The following RAC1 variants were observed in gnomAD, a reference collection of about 807,000 sequenced individuals.
RAC1 encodes the protein Rac family small GTPase 1.
In RAC1, 2 loss-of-function variants were observed where a neutral mutation model predicts 25.2. The ratio of observed to expected loss-of-function variants is 0.08; its 90% CI spans 0.03 to 0.25. The LOEUF (loss-of-function observed/expected upper bound fraction) is 0.25. Among genes scored for constraint, RAC1 ranks in the 10% least tolerant of loss-of-function variants. The pLI is 1.00. For missense variants in RAC1, 50 were observed against 235.7 expected (o/e 0.21, Z 5.16); for synonymous variants, 88 against 94.0 (o/e 0.94, Z 0.37).
At chr7:6,388,188 C>T (rs1029748725) in intron 2 of RAC1, among the ~76,000 whole-genome samples, 2 of 151,946 alleles carry the variant, frequency 1.3e-5, no homozygotes, top group Non-Finnish European at 2.9e-5. Context: ...AGCTGAGCCT[C>T]ATAATGCACC....
intron 3 of RAC1, among the ~76,000 whole-genome samples, chr7:6,394,430 C>T (rs184659344): frequency 6.6e-5 from 10 of 152,234 alleles, no homozygotes; most frequent in African/African-American, 1.2e-4. Flanking sequence ...GTCAGAGTAA[C>T]GCTCAAGTCC....
intron 2 of RAC1, among the ~76,000 whole-genome samples, chr7:6,389,410 T>C (rs1783021015): frequency 2.7e-5 from 4 of 148,944 alleles, no homozygotes; most frequent in Admixed American, 2.7e-4. Flanking sequence ...ATTAAAAAAG[T>C]TTGCTCACGC....
intron 3 of RAC1, among the ~76,000 whole-genome samples, chr7:6,394,790 C>T (rs767704726): frequency 6.6e-6 from 1 of 152,078 alleles, no homozygotes; most frequent in African/African-American, 2.4e-5. Flanking sequence ...AAGTGACTTT[C>T]CCGCCCTAGT....
intron 3 of RAC1, chr7:6,398,569 C>G: frequency 8.5e-7 from 1 of 1,171,958 alleles, no homozygotes; most frequent in Non-Finnish European, 1.2e-6. Flanking sequence ...AGGGTTAAGA[C>G]AAAATTCTAA....
intron 2 of RAC1, chr7:6,391,460 G>T (rs6967221): frequency 6.2e-6 from 1 of 160,062 alleles, no homozygotes; most frequent in African/African-American, 2.4e-5. Context: ...GTTAAGTCAG[G>T]TGTATTTTGT....
At chr7:6,387,487 C>G (rs1012452333) in intron 2 of RAC1, among the ~76,000 whole-genome samples, 13 of 152,072 alleles carry the variant, frequency 8.5e-5, no homozygotes, top group African/African-American at 3.1e-4. Context: ...CTTTGGGAGA[C>G]TGAGGCGGGT....
At chr7:6,402,182 C>CA in intron 5 of RAC1, 134 bp from the exon 6 acceptor site, 6 of 1,457,682 alleles carry the variant, frequency 4.1e-6, no homozygotes, top group Non-Finnish European at 5.5e-6. Context: ...GTCTTAACGT[C>CA]AGCGTTGGAA....
chr7:6,391,052 A>G (rs35582947), intron 2 of RAC1, among the ~76,000 whole-genome samples: 15,614 of 151,974 alleles, frequency 0.1, 1,688 homozygotes, highest in East Asian at 0.5. Context: ...GCCTGTCACC[A>G]CGCCCTGGCT....
intron 3 of RAC1, among the ~76,000 whole-genome samples, chr7:6,397,708 C>G (rs1783284258): frequency 6.6e-6 from 1 of 152,168 alleles, no homozygotes. Flanking sequence ...TTGTCCATGG[C>G]TGAAAGTGGT....
At chr7:6,374,813 G>T in intron 1 of RAC1, 43 bp downstream of exon 1, 3 of 1,098,508 alleles carry the variant, frequency 2.7e-6, no homozygotes, top group Non-Finnish European at 2.2e-6. Flanking sequence ...GCGGGATCGG[G>T]CGCGGAGGGG....
rs951809960 is a variant in RAC1, at chr7:6,402,528, A to AC, written c.*82_*83insC. Reference sequence around the variant, plus strand: ...AAAAAAAAACAAAAAAAAAAAACAAAAAAAAAAAACAACGGTGGAGCCTTC... The same window carrying AC: ...AAAAAAAAACAAAAAAAAAAAACAAACAAAAAAAAACAACGGTGGAGCCTTC... On this transcript the variant is annotated 3_prime_UTR_variant, in exon 6 of 6. Coordinates refer to ENST00000348035, the MANE Select transcript of RAC1 (RefSeq NM_006908.5). 4.1e-5 allele frequency: 47 copies of AC among 1,147,712 alleles called. 1 individual carries two copies. The highest frequency in any genetic ancestry group is 3.9e-4 in the African/African-American group (23 of 59,242). 71.1% of individuals were successfully genotyped at this position (1,147,712 alleles called of 1,614,324 possible). A position where few individuals can be genotyped will look rare whatever the true frequency, so the allele number is the denominator to read the frequency against.
intron 1 of RAC1, among the ~76,000 whole-genome samples, chr7:6,385,077 A>G (rs1417223771): frequency 6.6e-6 from 1 of 152,168 alleles, no homozygotes; most frequent in Non-Finnish European, 1.5e-5. Context: ...AAGTGCTAGG[A>G]TTACAGGCAT....
chr7:6,394,061 G>C (rs1783160816), intron 3 of RAC1, among the ~76,000 whole-genome samples: 1 of 152,144 alleles, frequency 6.6e-6, no homozygotes, highest in South Asian at 2.1e-4. Flanking sequence ...CTGATTGCTG[G>C]CTCTGTGGTC....
At position 6,394,828 on chromosome 7, in the gene RAC1, G is replaced by A. The variant is rs1783184958; in HGVS notation, c.225+2787G>A. On this transcript the variant is annotated intron_variant, in intron 3 of 5. Transcript: ENST00000348035. ...CTCAAGTAGCTGGGACTACAGGCAT[G>A]TGCTACCATGCCTGGCTAATTTTGT... Among the ~76,000 whole-genome samples the A allele has an allele frequency of 2.6e-5, 4 of 151,628 alleles. No homozygotes were observed. In the South Asian group the frequency reaches 8.4e-4, roughly 32 times the overall value.
rs754860731 is a variant in RAC1, at chr7:6,403,741, A to G, written c.*1295A>G. ...CACGCCTCCTGTAGTCGCTTTGCCT[A>G]TTGATGTTCCTTTGGGTCTGTGAGG... On this transcript the variant is annotated 3_prime_UTR_variant, in exon 6 of 6. Transcript: ENST00000348035. The G allele has an allele frequency of 1.7e-4, 35 of 209,252 alleles. No homozygotes were observed. Among genetic ancestry groups the G allele is most frequent in the South Asian group, 3.8e-4 (2 of 5,328 alleles). 13.0% of individuals were successfully genotyped at this position (209,252 alleles called of 1,614,324 possible).
At chr7:6,376,581 A>G (rs543908472) in intron 1 of RAC1, among the ~76,000 whole-genome samples, 1 of 143,260 alleles carries the variant, frequency 7.0e-6, no homozygotes, top group South Asian at 2.2e-4. Flanking sequence ...CTGCTCCTGC[A>G]ACCTCTGCCT....
At position 6,402,321 on chromosome 7, in the gene RAC1, G is replaced by A. The variant is rs2115218291; in HGVS notation, c.454G>A (p.Val152Ile). Reference sequence around the variant, plus strand: ...TGTGGTCGTGTTTCCTGTAGGTGCTGTAAAATACCTGGAGTGCTCGGCGCT... The same window carrying A: ...TGTGGTCGTGTTTCCTGTAGGTGCTATAAAATACCTGGAGTGCTCGGCGCT... ...GLAMAKEIGAVKYLECSALTQ... is the reference protein window; with the variant it reads ...GLAMAKEIGAIKYLECSALTQ... The change falls in exon 6 of 6, where the codon GTA becomes ATA. Residue 152 changes from valine (V) to isoleucine (I), a missense_variant. Physicochemically the swap from Val to Ile is conservative, Grantham distance 29 (BLOSUM62 3). Coordinates refer to ENST00000348035, the MANE Select transcript of RAC1 (RefSeq NM_006908.5). 6.2e-7 allele frequency: 1 copy of A among 1,607,856 alleles called. No homozygotes were observed. The highest frequency in any genetic ancestry group is 8.5e-7 in the Non-Finnish European group (1 of 1,177,168).
chr7:6,378,248 C>T (rs1449623391), intron 1 of RAC1, among the ~76,000 whole-genome samples: 2 of 151,498 alleles, frequency 1.3e-5, no homozygotes, highest in South Asian at 2.1e-4. Flanking sequence ...ATAATACACC[C>T]GTATGAAAAT....
rs1201384838 is a variant in RAC1 at position 6,387,307 on chromosome 7, A to C, written c.107+24A>C. On this transcript the variant is annotated intron_variant, in intron 2 of 5. Transcript: ENST00000348035. ...GTGTAAGTATCTTAAATTGGGAATT[A>C]ACCTGTTTGTGTTACGGGTTTCACA... The C allele has an allele frequency of 2.0e-6, 3 of 1,477,760 alleles. No homozygotes were observed. The African/African-American group carries it at 4.3e-5, about 21-fold the overall frequency. The allele number at this position is 1,477,760 out of a possible 1,614,324, so 91.5% of individuals were successfully genotyped here. A position where few individuals can be genotyped will look rare whatever the true frequency, so the allele number is the denominator to read the frequency against.
Sources: gnomAD v4.1 joint callset for allele counts (sites outside exome capture counted in the v4.1 genomes callset) on GRCh38, gnomAD v4.1.1 for gene constraint, MANE v1.5 for transcripts, NCBI Gene and HGNC (gene_info 2026-07-23, HGNC 2026-07-21) for gene names.